Variants in ROBO2 observed in about 807,000 individuals in gnomAD.
ROBO2 encodes the protein roundabout homolog 2.
ROBO2 carries 53 observed loss-of-function variants against 160.8 expected under a neutral mutation model. The ratio of observed to expected loss-of-function variants is 0.33; its 90% CI spans 0.26 to 0.41. ROBO2 has a LOEUF of 0.41. Among genes scored for constraint, ROBO2 ranks in the 10% least tolerant of loss-of-function variants. The pLI is 1.00. For missense variants in ROBO2, 1,577 were observed against 1,722.4 expected (o/e 0.92, Z 1.49); for synonymous variants, 664 against 611.7 (o/e 1.09, Z -1.26).
At chr3:77,163,238 T>C (rs1484478605) in intron 2 of ROBO2, among the ~76,000 whole-genome samples, 1 of 152,248 alleles carries the variant, frequency 6.6e-6, no homozygotes. Flanking sequence ...AAGATGTCTA[T>C]CAGCTTTTAA....
At chr3:77,145,349 CA>C (rs557340410) in intron 2 of ROBO2, among the ~76,000 whole-genome samples, 2 of 152,050 alleles carry the variant, frequency 1.3e-5, no homozygotes, top group African/African-American at 2.4e-5. Context: ...TTATGGTTAA[CA>C]AAAAAATGTG....
At chr3:76,497,075 C>G (rs923017644) in intron 2 of ROBO2, among the ~76,000 whole-genome samples, 66 of 152,208 alleles carry the variant, frequency 4.3e-4, no homozygotes, top group Non-Finnish European at 2.1e-4. Flanking sequence ...GCCCACTGCA[C>G]TCCAGCCACA....
intron 2 of ROBO2, among the ~76,000 whole-genome samples, chr3:76,195,733 C>G (rs1702230105): frequency 1.3e-5 from 2 of 152,168 alleles, no homozygotes; most frequent in African/African-American, 2.4e-5. Flanking sequence ...GATTTGAACT[C>G]AGATCTCTCT....
At chr3:77,077,567 A>T (rs1184060612) in intron 1 of ROBO2, among the ~76,000 whole-genome samples, 2 of 152,184 alleles carry the variant, frequency 1.3e-5, no homozygotes, top group Non-Finnish European at 2.9e-5. Context: ...GAGGCATAAA[A>T]GGTTAGAGGA....
At chr3:76,150,295 ACATCTGTCTAAAGCACACAT>A (rs1234012433) in intron 2 of ROBO2, among the ~76,000 whole-genome samples, 1 of 150,778 alleles carries the variant, frequency 6.6e-6, no homozygotes. Context: ...TCTAAAACAC[ACATCTGTCTAAAGCACACAT>A]CATCTGTCTA....
intron 2 of ROBO2, among the ~76,000 whole-genome samples, chr3:76,947,654 T>G (rs961929611): frequency 6.6e-6 from 1 of 151,556 alleles, no homozygotes; most frequent in Admixed American, 6.6e-5. Flanking sequence ...CGATGACATG[T>G]GACTGGTTTT....
At chr3:76,108,296 T>G (rs2070042946) in intron 2 of ROBO2, among the ~76,000 whole-genome samples, 1 of 152,056 alleles carries the variant, frequency 6.6e-6, no homozygotes, top group African/African-American at 2.4e-5. Context: ...AAAGATTGGT[T>G]TAGTTGTTAT....
chr3:76,752,014 T>A (rs779651934), intron 2 of ROBO2, among the ~76,000 whole-genome samples: 5 of 152,118 alleles, frequency 3.3e-5, no homozygotes, highest in Non-Finnish European at 7.3e-5. Context: ...GTGGCACTAT[T>A]CACAATAGCA....
chr3:75,910,231 T>G (rs1946512643), intron 1 of ROBO2, among the ~76,000 whole-genome samples: 1 of 152,182 alleles, frequency 6.6e-6, no homozygotes, highest in South Asian at 2.1e-4. Flanking sequence ...CCTTGGACAT[T>G]GTCCGACCAC....
At chr3:76,056,708 T>A (rs2067860684) in intron 2 of ROBO2, among the ~76,000 whole-genome samples, 1 of 152,198 alleles carries the variant, frequency 6.6e-6, no homozygotes, top group African/African-American at 2.4e-5. Flanking sequence ...GGGTTGCAGA[T>A]GTTTATGGTA....
intron 2 of ROBO2, among the ~76,000 whole-genome samples, chr3:77,172,293 T>A (rs1296118329): frequency 6.6e-6 from 1 of 152,222 alleles, no homozygotes; most frequent in African/African-American, 2.4e-5. Context: ...ACTGTAGAGA[T>A]GAAAATAATT....
At chr3:76,063,579 C>T (rs2068139974) in intron 2 of ROBO2, among the ~76,000 whole-genome samples, 1 of 151,904 alleles carries the variant, frequency 6.6e-6, no homozygotes, top group African/African-American at 2.4e-5. Context: ...CTCCTGGCCT[C>T]AAGCTATCCT....
intron 2 of ROBO2, among the ~76,000 whole-genome samples, chr3:76,998,043 T>G (rs2061122444): frequency 6.6e-6 from 1 of 152,136 alleles, no homozygotes; most frequent in Admixed American, 6.6e-5. Flanking sequence ...ACTTGCACTG[T>G]ATTCTATTGG....
At chr3:76,427,517 C>T (rs1001652772) in intron 2 of ROBO2, among the ~76,000 whole-genome samples, 1 of 152,054 alleles carries the variant, frequency 6.6e-6, no homozygotes, top group Non-Finnish European at 1.5e-5. Context: ...AAAAATGTAA[C>T]TTAATTCATG....
At chr3:76,167,575 A>C (rs1019484472) in intron 2 of ROBO2, among the ~76,000 whole-genome samples, 2 of 152,174 alleles carry the variant, frequency 1.3e-5, no homozygotes. Flanking sequence ...CTCTAATTTG[A>C]AAACTCCTAA....
intron 2 of ROBO2, among the ~76,000 whole-genome samples, chr3:76,580,042 G>A (rs1382298770): frequency 1.3e-5 from 2 of 152,080 alleles, no homozygotes; most frequent in African/African-American, 4.8e-5. Context: ...ACACAAGGAA[G>A]AAGGTAACGG....
intron 2 of ROBO2, among the ~76,000 whole-genome samples, chr3:77,407,950 T>G (rs11927790): frequency 0.025 from 3,775 of 152,298 alleles, 162 homozygotes; most frequent in African/African-American, 0.084. Flanking sequence ...TAATAAAATT[T>G]GCATTAGTAT....
chr3:77,358,671 A>T (rs2069481801), intron 2 of ROBO2, among the ~76,000 whole-genome samples: 1 of 152,196 alleles, frequency 6.6e-6, no homozygotes, highest in African/African-American at 2.4e-5. Flanking sequence ...TTTATTTCTA[A>T]ATAGTACATC....
chr3:77,546,793 A>G (rs1288432059), intron 7 of ROBO2, among the ~76,000 whole-genome samples: 1 of 152,146 alleles, frequency 6.6e-6, no homozygotes, highest in Non-Finnish European at 1.5e-5. Flanking sequence ...GTATTGAGAT[A>G]CGTGGTGTGA....
Sources: allele counts gnomAD v4.1 joint callset (sites outside exome capture counted in the v4.1 genomes callset), GRCh38; gene constraint gnomAD v4.1.1; transcripts MANE v1.5; gene names NCBI Gene and HGNC (gene_info 2026-07-23, HGNC 2026-07-21).